Variants in MARCHF3 observed in about 807,000 individuals in gnomAD.
MARCHF3 encodes E3 ubiquitin-protein ligase MARCHF3.
MARCHF3 carries 13 observed loss-of-function variants against 24.2 expected under a neutral mutation model. The ratio of observed to expected loss-of-function variants is 0.54; its 90% CI spans 0.35 to 0.85. The LOEUF (loss-of-function observed/expected upper bound fraction) is 0.85. Ranked by LOEUF, MARCHF3 falls within the 40% of genes least tolerant of loss-of-function variation. MARCHF3 has a pLI of 0.01. For synonymous variants in MARCHF3, 144 were observed against 137.3 expected (o/e 1.05, Z -0.34); for missense variants, 276 against 325.0 (o/e 0.85, Z 1.16).
chr5:126,957,059 T>A (rs1750472059), intron 1 of MARCHF3, among the ~76,000 whole-genome samples: 1 of 150,712 alleles, frequency 6.6e-6, no homozygotes, highest in Non-Finnish European at 1.5e-5. Context: ...TGTGCCCGGC[T>A]AAGAATGGTA....
At chr5:126,888,683 CAG>C (rs1353595240) in intron 3 of MARCHF3, among the ~76,000 whole-genome samples, 7 of 152,282 alleles carry the variant, frequency 4.6e-5, no homozygotes, top group Admixed American at 2.0e-4. Context: ...AGCAAGGAAA[CAG>C]AAGTTTTTAG....
intron 1 of MARCHF3, among the ~76,000 whole-genome samples, chr5:126,925,752 A>G (rs1017430737): frequency 3.3e-5 from 5 of 152,206 alleles, no homozygotes; most frequent in Admixed American, 6.5e-5. Flanking sequence ...GCACATCAGA[A>G]AAGTTTAAAC....
chr5:126,953,448 CA>C (rs1159884107), intron 1 of MARCHF3, among the ~76,000 whole-genome samples: 11 of 147,986 alleles, frequency 7.4e-5, no homozygotes, highest in South Asian at 6.4e-4. Flanking sequence ...GAACATTCTC[CA>C]AAAAAAAAAT....
At chr5:126,876,798 C>T (rs1753173366) in intron 4 of MARCHF3, among the ~76,000 whole-genome samples, 1 of 152,180 alleles carries the variant, frequency 6.6e-6, no homozygotes, top group Non-Finnish European at 1.5e-5. Flanking sequence ...TACAGACATG[C>T]ACCACGATGC....
intron 1 of MARCHF3, among the ~76,000 whole-genome samples, chr5:127,004,655 T>C (rs1752249307): frequency 6.6e-6 from 1 of 152,156 alleles, no homozygotes; most frequent in Non-Finnish European, 1.5e-5. Flanking sequence ...GAAGTACATG[T>C]AAATGCACAT....
chr5:126,924,643 C>T (rs1749234789), intron 1 of MARCHF3, among the ~76,000 whole-genome samples: 1 of 152,156 alleles, frequency 6.6e-6, no homozygotes, highest in South Asian at 2.1e-4. Flanking sequence ...ACAAAGTGAC[C>T]TTCCTTTCCA....
intron 1 of MARCHF3, among the ~76,000 whole-genome samples, chr5:126,998,306 T>C (rs187571878): frequency 2.0e-5 from 3 of 152,342 alleles, no homozygotes; most frequent in Non-Finnish European, 2.9e-5. Flanking sequence ...TGCTGACTTA[T>C]GGTGGACCAG....
At chr5:126,886,551 G>A (rs1580600848) in intron 3 of MARCHF3, among the ~76,000 whole-genome samples, 1 of 152,182 alleles carries the variant, frequency 6.6e-6, no homozygotes, top group African/African-American at 2.4e-5. Context: ...GAGTGGTGAA[G>A]CAGCCTCTCT....
At chr5:126,872,702 T>G (rs993645727) in intron 4 of MARCHF3, among the ~76,000 whole-genome samples, 2 of 152,134 alleles carry the variant, frequency 1.3e-5, no homozygotes, top group African/African-American at 4.8e-5. Flanking sequence ...GATCATGAAA[T>G]TCAAGGCCAC....
intron 1 of MARCHF3, among the ~76,000 whole-genome samples, chr5:126,980,649 G>A (rs1751364158): frequency 6.6e-6 from 1 of 152,144 alleles, no homozygotes; most frequent in South Asian, 2.1e-4. Flanking sequence ...GATTACAGGT[G>A]TGAGCCACCA....
chr5:126,969,813 A>G (rs1750939082), intron 1 of MARCHF3, among the ~76,000 whole-genome samples: 1 of 152,164 alleles, frequency 6.6e-6, no homozygotes, highest in Admixed American at 6.5e-5. Flanking sequence ...ATTAATTTGC[A>G]TTTCTAATAG....
At chr5:126,972,245 T>TAAA (rs747060453) in intron 1 of MARCHF3, among the ~76,000 whole-genome samples, 1,211 of 58,670 alleles carry the variant, frequency 0.021, 14 homozygotes, top group African/African-American at 0.064. Context: ...ATTAAAGAAC[T>TAAA]AAAAAAAAAA....
intron 1 of MARCHF3, among the ~76,000 whole-genome samples, chr5:126,992,014 T>G (rs928708328): frequency 6.6e-6 from 1 of 152,194 alleles, no homozygotes; most frequent in African/African-American, 2.4e-5. Flanking sequence ...CTAGCAGCTC[T>G]GGGAAAACAA....
At chr5:126,990,189 CA>C (rs1321931694) in intron 1 of MARCHF3, among the ~76,000 whole-genome samples, 2 of 150,352 alleles carry the variant, frequency 1.3e-5, no homozygotes, top group Non-Finnish European at 3.0e-5. Context: ...GTACTGGTAC[CA>C]AAACAGAGAT....
intron 1 of MARCHF3, among the ~76,000 whole-genome samples, chr5:127,023,122 T>C (rs750565265): frequency 1.3e-5 from 2 of 152,168 alleles, no homozygotes; most frequent in Non-Finnish European, 2.9e-5. Context: ...ATGTAGAGGG[T>C]GCTTTCTAAA....
At chr5:126,910,240 A>G (rs1281888582) in intron 3 of MARCHF3, among the ~76,000 whole-genome samples, 1 of 152,180 alleles carries the variant, frequency 6.6e-6, no homozygotes, top group African/African-American at 2.4e-5. Context: ...GCAAGGGTGG[A>G]TGTTATGAAT....
chr5:126,932,802 T>TC (rs1425934132), intron 1 of MARCHF3, among the ~76,000 whole-genome samples: 2 of 152,156 alleles, frequency 1.3e-5, no homozygotes, highest in African/African-American at 2.4e-5. Context: ...CCCCAGGTTT[T>TC]CCCAAGAGCC....
rs1201388234 is a variant in MARCHF3 at position 127,006,178 on chromosome 5, G to T, written c.-57+24172C>A. 2.7e-5 allele frequency among the ~76,000 whole-genome samples: 4 copies of T among 150,226 alleles called. No homozygotes were observed. The South Asian group carries it at 6.4e-4, about 24-fold the overall frequency. On this transcript the variant is annotated intron_variant, in intron 1 of 4. Transcript: ENST00000308660. ...AGATCGCACCACTGGACTCCAGCCT[G>T]GGAGACACAGTGAGGCTCTGTCAAA...
intron 3 of MARCHF3, among the ~76,000 whole-genome samples, chr5:126,897,117 G>A (rs1753948908): frequency 6.7e-6 from 1 of 149,156 alleles, no homozygotes; most frequent in African/African-American, 2.5e-5. Context: ...TCGGCTCACT[G>A]CAACCTCTGC....
Sources: gnomAD v4.1 joint callset for allele counts (sites outside exome capture counted in the v4.1 genomes callset) on GRCh38, gnomAD v4.1.1 for gene constraint, MANE v1.5 for transcripts, NCBI Gene and HGNC (gene_info 2026-07-23, HGNC 2026-07-21) for gene names.